Variants in CAPN14 observed in about 807,000 individuals in gnomAD.
CAPN14 encodes the protein calpain-14.
CAPN14 carries 94 observed loss-of-function variants against 101.3 expected under a neutral mutation model. The observed-to-expected ratio is 0.93, with a 90% confidence interval of 0.79 to 1.10. CAPN14 has a LOEUF of 1.10. CAPN14 is among the 50% of genes least tolerant of loss of function. CAPN14 has a pLI of 0.00. For synonymous variants in CAPN14, 338 were observed against 317.9 expected (o/e 1.06, Z -0.67); for missense variants, 837 against 828.4 (o/e 1.01, Z -0.13).
upstream of CAPN14, among the ~76,000 whole-genome samples, chr2:31,217,937 A>G (rs1414717339): frequency 6.6e-6 from 1 of 152,224 alleles, no homozygotes; most frequent in Non-Finnish European, 1.5e-5. Flanking sequence ...AGTATTTTCA[A>G]GAGGTGGCTG....
intron 5 of CAPN14, among the ~76,000 whole-genome samples, chr2:31,200,963 C>G (rs951375228): frequency 1.3e-5 from 2 of 152,156 alleles, no homozygotes; most frequent in African/African-American, 4.8e-5. Flanking sequence ...TGCTTTGAAC[C>G]CATCAGTTAA....
At chr2:31,205,167 T>A in intron 2 of CAPN14, 56 bp downstream of exon 2, 1 of 1,460,816 alleles carries the variant, frequency 6.8e-7, no homozygotes, top group Non-Finnish European at 9.4e-7. Flanking sequence ...AGGCGCAGTA[T>A]CTGAAAGCCC....
At chr2:31,222,169 A>G (rs13383566), upstream of CAPN14, among the ~76,000 whole-genome samples, 24,395 of 152,172 alleles carry the variant, frequency 0.16, 2,619 homozygotes, top group African/African-American at 0.31. Context: ...TTCCTCCTAC[A>G]GTTCCAAGGA....
chr2:31,231,557 A>T (rs1683192334), intron 1 of CAPN14, among the ~76,000 whole-genome samples: 1 of 152,200 alleles, frequency 6.6e-6, no homozygotes, highest in African/African-American at 2.4e-5. Context: ...ATGCTCCATT[A>T]GTTCCTTTTT....
intron 1 of CAPN14, among the ~76,000 whole-genome samples, chr2:31,208,065 G>T (rs763822605): frequency 6.6e-6 from 1 of 152,018 alleles, no homozygotes; most frequent in Non-Finnish European, 1.5e-5. Context: ...ATTTGTCACG[G>T]GTGCCTGTGT....
At chr2:31,212,212 A>G (rs1682435638) in intron 1 of CAPN14, among the ~76,000 whole-genome samples, 1 of 151,936 alleles carries the variant, frequency 6.6e-6, no homozygotes, top group East Asian at 1.9e-4. Flanking sequence ...CAGGAGACCA[A>G]GGCAGGAGAA....
In CAPN14 at chr2:31,177,760, G is replaced by T. The variant is rs1190344918; in HGVS notation, c.1841C>A (p.Ala614Asp). The change falls in exon 19 of 22, where the codon GCC (alanine) becomes GAC (aspartate). Residue 614 changes from alanine (A) to aspartate (D), a missense_variant. By Grantham distance (126) the Ala-to-Asp change is moderately radical (BLOSUM62 -2). Coordinates refer to ENST00000403897, the MANE Select transcript of CAPN14 (RefSeq NM_001145122.2). Reference protein sequence around the residue: ...GYLNWEQLHAAMREAGIMLSD... With the variant: ...GYLNWEQLHADMREAGIMLSD... ...CCTGTGCCTACCTGCCTCCCTCATG[G>T]CAGCGTGCAGCTGCTCCCAGTTCAG... The T allele has an allele frequency of 1.2e-5, 18 of 1,551,644 alleles. No individual in the cohort carries two copies. The South Asian group carries it at 2.1e-4, about 18-fold the overall frequency.
chr2:31,224,286 A>AC (rs1196019410), intron 2 of CAPN14, among the ~76,000 whole-genome samples: 1 of 152,158 alleles, frequency 6.6e-6, no homozygotes, highest in Admixed American at 6.5e-5. Context: ...ATATACATTT[A>AC]CATATGAAGG....
At chr2:31,233,353 C>T (rs961292130) in intron 1 of CAPN14, among the ~76,000 whole-genome samples, 33 of 152,180 alleles carry the variant, frequency 2.2e-4, no homozygotes, top group African/African-American at 7.7e-4. Flanking sequence ...ACTCCTTACG[C>T]TCCTAGAACA....
Position 31,174,117 on chromosome 2 carries a change from C to G in CAPN14, c.*564G>C, listed in dbSNP as rs1193647847. ...AGATGCCAGAGCCAGCCCACCCCAC[C>G]TGGACTCTGCCAATTCTCTTACTGT... On this transcript the variant is annotated 3_prime_UTR_variant, in exon 22 of 22. Transcript: ENST00000403897. 1 of 154,314 alleles carries G rather than the reference C, an allele frequency of 6.5e-6. No homozygotes were observed. Among genetic ancestry groups the G allele is most frequent in the Non-Finnish European group, 1.4e-5 (1 of 69,586 alleles). The allele number at this position is 154,314 out of a possible 1,614,324, so 9.6% of individuals were successfully genotyped here.
upstream of CAPN14, among the ~76,000 whole-genome samples, chr2:31,220,550 C>T (rs942636598): frequency 1.3e-5 from 2 of 152,186 alleles, no homozygotes; most frequent in African/African-American, 2.4e-5. Flanking sequence ...GACGGCCAGG[C>T]ATGGTGGCTC....
At chr2:31,209,811 T>A (rs143030859) in intron 1 of CAPN14, among the ~76,000 whole-genome samples, 1 of 152,206 alleles carries the variant, frequency 6.6e-6, no homozygotes, top group African/African-American at 2.4e-5. Flanking sequence ...TACCTTGTAA[T>A]TGGCCATCAT....
intron 12 of CAPN14, 80 bp downstream of exon 12, chr2:31,191,319 G>A (rs368375876): frequency 7.3e-7 from 1 of 1,372,632 alleles, no homozygotes; most frequent in Non-Finnish European, 9.9e-7. Flanking sequence ...GCCTGCTCCA[G>A]TCTAACTAAA....
chr2:31,204,378 G>A (rs1681961938), intron 2 of CAPN14, among the ~76,000 whole-genome samples: 1 of 152,182 alleles, frequency 6.6e-6, no homozygotes, highest in South Asian at 2.1e-4. Context: ...AACCTCTAGA[G>A]TGATAAGAGT....
chr2:31,181,011 G>A lies in CAPN14; in HGVS notation c.1646-11C>T. ...GTCTGCTCCCCAGACCTGTGAAGGAGCGAAAGAGTCCACATGGGGGCTGGC... is the reference window on the plus strand; with the variant it reads ...GTCTGCTCCCCAGACCTGTGAAGGAACGAAAGAGTCCACATGGGGGCTGGC... On this transcript the variant is annotated splice_polypyrimidine_tract_variant and intron_variant, in intron 16 of 21. Transcript: ENST00000403897. 1.9e-6 allele frequency: 3 copies of A among 1,551,400 alleles called. No homozygotes were observed. Among genetic ancestry groups the A allele is most frequent in the Non-Finnish European group, 2.6e-6 (3 of 1,146,690 alleles).
chr2:31,191,144 A>T (rs572577891), intron 12 of CAPN14, among the ~76,000 whole-genome samples: 1 of 152,262 alleles, frequency 6.6e-6, no homozygotes, highest in Non-Finnish European at 1.5e-5. Context: ...TCTAAAATGT[A>T]TTGGTTCTCT....
chr2:31,200,226 A>G (rs890215675), intron 6 of CAPN14, among the ~76,000 whole-genome samples: 1 of 152,076 alleles, frequency 6.6e-6, no homozygotes, highest in Non-Finnish European at 1.5e-5. Context: ...GCTGATCTCG[A>G]ACTCCTGACC....
chr2:31,210,978 G>A (rs754698261), intron 1 of CAPN14, among the ~76,000 whole-genome samples: 1 of 152,040 alleles, frequency 6.6e-6, no homozygotes, highest in Non-Finnish European at 1.5e-5. Context: ...ATGTCTTTGA[G>A]CACATCCGAA....
chr2:31,205,583 G>T, intron 1 of CAPN14, 84 bp from the exon 2 acceptor site: 1 of 734,452 alleles, frequency 1.4e-6, no homozygotes, highest in Admixed American at 2.4e-5. Flanking sequence ...AGGATGGAGA[G>T]AATGGGAGCG....
Sources: allele counts gnomAD v4.1 joint callset (sites outside exome capture counted in the v4.1 genomes callset), GRCh38; gene constraint gnomAD v4.1.1; transcripts MANE v1.5; gene names NCBI Gene and HGNC (gene_info 2026-07-23, HGNC 2026-07-21).